TMSB15B: variants seen among roughly 807,000 people sequenced by gnomAD.
TMSB15B encodes the protein thymosin beta-15B.
chrX:103,941,243 TATTG>T (rs1375975996), intron 1 of TMSB15B, among the ~76,000 whole-genome samples: 2 of 112,479 alleles, frequency 1.8e-5, no homozygotes, highest in Non-Finnish European at 3.8e-5. Context: ...TTTATCCATT[TATTG>T]ATTGATGGAC....
At chrX:103,935,702 T>C (rs781900349) in intron 1 of TMSB15B, among the ~76,000 whole-genome samples, 1 of 111,341 alleles carries the variant, frequency 9.0e-6, no homozygotes, top group South Asian at 3.8e-4. Context: ...TCTATATATC[T>C]GTTTTGGTAC....
intron 1 of TMSB15B, among the ~76,000 whole-genome samples, chrX:103,946,320 C>T (rs782414801): frequency 8.9e-6 from 1 of 112,038 alleles, no homozygotes; most frequent in Non-Finnish European, 1.9e-5. Flanking sequence ...TTTTCCCATC[C>T]TTCAGGGTTT....
intron 1 of TMSB15B, among the ~76,000 whole-genome samples, chrX:103,926,763 C>G (rs1425668958): frequency 9.1e-6 from 1 of 110,193 alleles, no homozygotes; most frequent in East Asian, 2.9e-4. Flanking sequence ...AACCTTCATG[C>G]CCCCCATCAC....
At chrX:103,937,658 C>T (rs1252147415) in intron 1 of TMSB15B, among the ~76,000 whole-genome samples, 4 of 111,100 alleles carry the variant, frequency 3.6e-5, no homozygotes, top group African/African-American at 1.3e-4. Context: ...TTTTTTGTGT[C>T]TCTATCTCCT....
At chrX:103,927,652 A>T (rs1159472836) in intron 1 of TMSB15B, among the ~76,000 whole-genome samples, 16 of 84,557 alleles carry the variant, frequency 1.9e-4, no homozygotes, top group African/African-American at 5.5e-4. Context: ...CCTCTGCAAG[A>T]TAGTGCCAGG....
At chrX:103,951,101 G>T (rs2075038057) in intron 1 of TMSB15B, among the ~76,000 whole-genome samples, 1 of 111,873 alleles carries the variant, frequency 8.9e-6, no homozygotes, top group Admixed American at 9.5e-5. Flanking sequence ...CCAGCCCTCA[G>T]TCTGTATTAT....
At chrX:103,927,415 G>A (rs1289197838) in intron 1 of TMSB15B, among the ~76,000 whole-genome samples, 2 of 111,848 alleles carry the variant, frequency 1.8e-5, no homozygotes, top group Admixed American at 9.5e-5. Context: ...AGGTCTACAG[G>A]GTTAGGTTTG....
intron 1 of TMSB15B, among the ~76,000 whole-genome samples, chrX:103,951,315 G>A (rs142075502): frequency 8.9e-6 from 1 of 111,921 alleles, no homozygotes; most frequent in African/African-American, 3.2e-5. Flanking sequence ...GTATGGATGC[G>A]GGTGCAGATA....
chrX:103,946,294 C>T (rs1329710527), intron 1 of TMSB15B, among the ~76,000 whole-genome samples: 1 of 111,860 alleles, frequency 8.9e-6, no homozygotes, highest in African/African-American at 3.3e-5. Context: ...TGGAAATAAA[C>T]CTGCTGTTTG....
intron 1 of TMSB15B, among the ~76,000 whole-genome samples, chrX:103,938,334 G>A (rs1430579859): frequency 1.8e-5 from 2 of 111,351 alleles, no homozygotes; most frequent in African/African-American, 6.5e-5. Context: ...TTGTTTTACC[G>A]GGTGCTCCTG....
chrX:103,935,868 T>A (rs1306714), intron 1 of TMSB15B, among the ~76,000 whole-genome samples: 1 of 89,119 alleles, frequency 1.1e-5, no homozygotes, highest in East Asian at 3.6e-4. Context: ...TTTTTTGAGA[T>A]GGAGTTTCAC....
At chrX:103,922,080 T>G (rs1266762437) in intron 1 of TMSB15B, among the ~76,000 whole-genome samples, 1 of 108,642 alleles carries the variant, frequency 9.2e-6, no homozygotes, top group Non-Finnish European at 1.9e-5. Flanking sequence ...TCTCTCTCTC[T>G]CTCTCTTTTT....
chrX:103,946,109 A>G (rs1405599572), intron 1 of TMSB15B, among the ~76,000 whole-genome samples: 5 of 112,058 alleles, frequency 4.5e-5, no homozygotes, highest in Admixed American at 3.8e-4. Flanking sequence ...GAGGCAAAGG[A>G]CTTTATTACT....
At chrX:103,938,588 TG>T (rs2147821494) in intron 1 of TMSB15B, among the ~76,000 whole-genome samples, 1 of 112,273 alleles carries the variant, frequency 8.9e-6, no homozygotes, top group African/African-American at 3.2e-5. Flanking sequence ...AGCGCACTGA[TG>T]GGTCTTGGCT....
chrX:103,952,653 T>C (rs782281057), intron 1 of TMSB15B, among the ~76,000 whole-genome samples: 30 of 111,479 alleles, frequency 2.7e-4, no homozygotes, highest in Admixed American at 1.5e-3. Context: ...AATGTAGCAG[T>C]TGAGAGGTAT....
At chrX:103,923,178 C>A (rs782544503) in intron 1 of TMSB15B, among the ~76,000 whole-genome samples, 7 of 111,813 alleles carry the variant, frequency 6.3e-5, no homozygotes, top group Admixed American at 3.8e-4. Context: ...ATGGTAGTTT[C>A]TTTTGCTGTG....
chrX:103,921,781 T>C (rs1480858966), intron 1 of TMSB15B, among the ~76,000 whole-genome samples: 1 of 112,494 alleles, frequency 8.9e-6, no homozygotes, highest in African/African-American at 3.2e-5. Flanking sequence ...CTATCTGTTA[T>C]CTCATTTAAG....
intron 1 of TMSB15B, among the ~76,000 whole-genome samples, chrX:103,924,121 G>A (rs1252560661): frequency 9.0e-6 from 1 of 111,542 alleles, no homozygotes; most frequent in Non-Finnish European, 1.9e-5. Flanking sequence ...TATAAAGCTA[G>A]GAAGTGACAG....
intron 1 of TMSB15B, among the ~76,000 whole-genome samples, chrX:103,947,550 C>T (rs782472895): frequency 3.5e-4 from 39 of 111,905 alleles, no homozygotes; most frequent in Non-Finnish European, 6.0e-4. Context: ...TAACAGGATA[C>T]CTTCTTATAT....
Sources: gnomAD v4.1 joint callset for allele counts (sites outside exome capture counted in the v4.1 genomes callset) on GRCh38, gnomAD v4.1.1 for gene constraint, MANE v1.5 for transcripts, NCBI Gene and HGNC (gene_info 2026-07-23, HGNC 2026-07-21) for gene names.